The following ICAM5 variants were observed in gnomAD, a reference collection of about 807,000 sequenced individuals.
ICAM5 encodes intercellular adhesion molecule 5.
ICAM5 carries 38 observed loss-of-function variants against 78.8 expected under a neutral mutation model. That is an observed-to-expected ratio of 0.48 (90% confidence interval 0.37 to 0.63). The LOEUF is 0.63. Among genes scored for constraint, ICAM5 ranks in the 30% least tolerant of loss-of-function variants. ICAM5 has a pLI of 0.00. For missense variants in ICAM5, 1,059 were observed against 1,303.0 expected (o/e 0.81, Z 2.88); for synonymous variants, 544 against 590.9 (o/e 0.92, Z 1.15).
Position 10,294,144 on chromosome 19 carries a change from G to A in ICAM5, c.1816G>A (p.Val606Met). ...GGTCGATGGGAAGCCACAGCCAAGC[G>A]TGAAGTGCGTGGGCTCCGGGGGCGC... ...CEVDGKPQPS[V>M]KCVGSGGATE... The change falls in exon 8 of 11, where the codon GTG becomes ATG. Residue 606 changes from valine to methionine, a missense_variant. This residue lies in a region of ICAM5 where 815 missense variants were observed against 952.8 expected (regional missense o/e 0.86). Transcript: ENST00000221980. The surrounding 1 kb of genome is among the most constrained non-coding windows in gnomAD (Gnocchi z 7.7). The A allele has an allele frequency of 1.9e-6, 3 of 1,610,444 alleles. No homozygotes were observed. The highest frequency in any genetic ancestry group is 2.2e-5 in the South Asian group (2 of 90,788).
chr19:10,292,654 C>A lies in ICAM5; in HGVS notation c.1004C>A (p.Ser335Tyr). 6.2e-7 allele frequency: 1 copy of A among 1,600,508 alleles called. No individual in the cohort carries two copies. The highest frequency in any genetic ancestry group is 8.5e-7 in the Non-Finnish European group (1 of 1,173,658). The change falls in exon 5 of 11, where the codon TCC becomes TAC. Residue 335 changes from serine to tyrosine, a missense_variant. Physicochemically the swap from Ser to Tyr is moderately radical, Grantham distance 144. This residue lies in a region of ICAM5 where 815 missense variants were observed against 952.8 expected (regional missense o/e 0.86). Coordinates refer to ENST00000221980, the MANE Select transcript of ICAM5 (RefSeq NM_003259.4). ...CTGACCCTGAGCGAACCCAGCGTCT[C>A]CGAGGGGCAGATGGTGACAGTAACC... ...PLLTLSEPSV[S>Y]EGQMVTVTCA...
chr19:10,290,919 G>A lies in ICAM5; in HGVS notation c.83-153G>A. Reference sequence around the variant, plus strand: ...ACTCTGGGAGTGCGCCTTTAAACCGGAGGCCTGGGCAGGACGCGGGACGCC... The same window carrying A: ...ACTCTGGGAGTGCGCCTTTAAACCGAAGGCCTGGGCAGGACGCGGGACGCC... On this transcript the variant is annotated intron_variant, in intron 1 of 10. Coordinates refer to ENST00000221980, the MANE Select transcript of ICAM5 (RefSeq NM_003259.4). The surrounding 1 kb of genome is among the most constrained non-coding windows in gnomAD (Gnocchi z 5.7). The A allele has an allele frequency of 2.0e-6, 2 of 975,750 alleles. No individual in the cohort carries two copies. Among genetic ancestry groups the A allele is most frequent in the South Asian group, 3.4e-5 (2 of 58,158 alleles). The allele number at this position is 975,750 out of a possible 1,614,324, so 60.4% of individuals were successfully genotyped here.
chr19:10,295,733 A>T, intron 10 of ICAM5, 121 bp downstream of exon 10: 1 of 1,175,736 alleles, frequency 8.5e-7, no homozygotes, highest in Non-Finnish European at 1.2e-6. Context: ...GAAGTGGGAC[A>T]GAGTAGAAGT....
In ICAM5 at chr19:10,292,826, G is replaced by A. The variant is rs1251270481; in HGVS notation, c.1176G>A (p.Glu392=). 1.9e-6 allele frequency: 3 copies of A among 1,613,232 alleles called. No individual in the cohort carries two copies. Among genetic ancestry groups the A allele is most frequent in the South Asian group, 1.1e-5 (1 of 91,078 alleles). The change falls in exon 5 of 11, where the codon GAG becomes GAA. Residue 392 remains glutamate (E), a synonymous_variant. Transcript: ENST00000221980. ...FCDATLDVDG[E]TLIKNRSAEL... is the part of the protein sequence containing the mutation. ...ACGCCACCCTCGATGTGGACGGGGA[G>A]ACCCTGATCAAGAACAGGAGCGCAG... is the stretch of plus-strand genomic sequence containing the variant.
Position 10,294,473 on chromosome 19 carries a change from T to C in ICAM5, c.2063T>C (p.Leu688Pro). 6.2e-7 allele frequency: 1 copy of C among 1,607,066 alleles called. No individual in the cohort carries two copies. The highest frequency in any genetic ancestry group is 8.5e-7 in the Non-Finnish European group (1 of 1,175,944). ...CTGGAAGGGGCTGAGGCTTCCGCGC[T>C]GGCCTGCGCCGCCCGGGGTCGCCCT... is the stretch of plus-strand genomic sequence containing the variant. ...TWLEGAEASA[L>P]ACAARGRPSP... The change falls in exon 9 of 11, where the codon CTG (leucine) becomes CCG (proline). Residue 688 changes from leucine (L) to proline (P), a missense_variant. Physicochemically the swap from Leu to Pro is moderately conservative, Grantham distance 98. This residue lies in a region of ICAM5 where 815 missense variants were observed against 952.8 expected (regional missense o/e 0.86). Coordinates refer to ENST00000221980, the MANE Select transcript of ICAM5 (RefSeq NM_003259.4). This position sits in a 1 kb window ranked among gnomAD's most constrained non-coding sequence, Gnocchi z 7.7.
Position 10,293,096 on chromosome 19 carries a change from C to T in ICAM5, c.1315C>T (p.Pro439Ser), listed in dbSNP as rs773967044. 2 of 1,610,600 alleles carry T rather than the reference C, an allele frequency of 1.2e-6. No individual in the cohort carries two copies. Among genetic ancestry groups the T allele is most frequent in the South Asian group, 2.2e-5 (2 of 90,956 alleles). The change falls in exon 6 of 11, where the codon CCC (proline) becomes TCC (serine). Residue 439 changes from proline to serine, a missense_variant. Around this residue, in one of 3 missense-constraint regions of ICAM5, gnomAD observed 815 missense variants for 952.8 expected, o/e 0.86. Coordinates refer to ENST00000221980, the MANE Select transcript of ICAM5 (RefSeq NM_003259.4). The surrounding 1 kb of genome is among the most constrained non-coding windows in gnomAD (Gnocchi z 5.0). ...LRCEARGNPE[P>S]SVHCARSDGG... ...CTGCGAGGCCCGCGGGAACCCAGAACCCTCAGTGCACTGTGCGCGCTCCGA... is the reference window on the plus strand; with the variant it reads ...CTGCGAGGCCCGCGGGAACCCAGAATCCTCAGTGCACTGTGCGCGCTCCGA...
chr19:10,295,674 G>C, intron 10 of ICAM5, 62 bp downstream of exon 10: 1 of 1,477,992 alleles, frequency 6.8e-7, no homozygotes, highest in Non-Finnish European at 9.0e-7. Context: ...CCTGGGTCTT[G>C]GGGCGGCCGG....
In ICAM5 at chr19:10,290,281, C is replaced by A; in HGVS notation, c.82+156C>A. The A allele has an allele frequency of 1.8e-6, 1 of 561,338 alleles. No homozygotes were observed. Among genetic ancestry groups the A allele is most frequent in the South Asian group, 2.4e-5 (1 of 42,124 alleles). The allele number at this position is 561,338 out of a possible 1,614,324, so 34.8% of individuals were successfully genotyped here. A position where few individuals can be genotyped will look rare whatever the true frequency, so the allele number is the denominator to read the frequency against. On this transcript the variant is annotated intron_variant, in intron 1 of 10. Transcript: ENST00000221980. This position sits in a 1 kb window ranked among gnomAD's most constrained non-coding sequence, Gnocchi z 5.7. Reference sequence around the variant, plus strand: ...GTCTTCTCCCCTTCCCCCTCCTCCCCAACACACACCCGAGCCCCAGCTTCC... The same window carrying A: ...GTCTTCTCCCCTTCCCCCTCCTCCCAAACACACACCCGAGCCCCAGCTTCC...
chr19:10,295,748 G>A, intron 10 of ICAM5, 136 bp downstream of exon 10: 1 of 1,066,570 alleles, frequency 9.4e-7, no homozygotes, highest in South Asian at 1.7e-5. Flanking sequence ...AGAAGTCAAA[G>A]GTGCCTTAGC....
intron 10 of ICAM5, 27 bp downstream of exon 10, chr19:10,295,639 G>C (rs1344658411): frequency 4.6e-6 from 7 of 1,528,936 alleles, no homozygotes; most frequent in Non-Finnish European, 6.1e-6. Flanking sequence ...GAGAGGCGGG[G>C]CGAGGTATCT....
At chr19:10,291,946 GATGATA>G in intron 3 of ICAM5, 83 bp from the exon 4 acceptor site, 1 of 1,507,224 alleles carries the variant, frequency 6.6e-7, no homozygotes. Flanking sequence ...GTGCCTTGAG[GATGATA>G]ATACGATAAG....
At position 10,293,268 on chromosome 19, in the gene ICAM5, G is replaced by T. The variant is rs1166020672; in HGVS notation, c.1465+22G>T. 4 of 1,557,422 alleles carry T rather than the reference G, an allele frequency of 2.6e-6. No individual in the cohort carries two copies. On this transcript the variant is annotated intron_variant, in intron 6 of 10. Coordinates refer to ENST00000221980, the MANE Select transcript of ICAM5 (RefSeq NM_003259.4). This position sits in a 1 kb window ranked among gnomAD's most constrained non-coding sequence, Gnocchi z 5.0. ...GAGTGTGAGTGGGGGTGCGCAGGGT[G>T]CATTTCTATCTGGTTCAAGGTCTGG...
Position 10,292,241 on chromosome 19 carries a change from C to G in ICAM5, c.880C>G (p.Gln294Glu), listed in dbSNP as rs1299505040. ...ATATATASAE[Q>E]EGARQLVCNV... ...TGCCACAGCCACAGCTAGCGCAGAG[C>G]AGGAGGGTGCCAGGCAGCTGGTCTG... The change falls in exon 4 of 11, where the codon CAG (glutamine) becomes GAG (glutamate). Residue 294 changes from glutamine (Q) to glutamate (E), a missense_variant. Transcript: ENST00000221980. 1.4e-5 allele frequency: 22 copies of G among 1,612,892 alleles called. No individual in the cohort carries two copies. Among genetic ancestry groups the G allele is most frequent in the Non-Finnish European group, 1.9e-5 (22 of 1,179,874 alleles).
In ICAM5 at chr19:10,290,827, G is replaced by T. The variant is rs2040164989; in HGVS notation, c.83-245G>T. 1.7e-6 allele frequency: 1 copy of T among 572,740 alleles called. No individual in the cohort carries two copies. The allele number at this position is 572,740 out of a possible 1,614,324, so 35.5% of individuals were successfully genotyped here. A position where few individuals can be genotyped will look rare whatever the true frequency, so the allele number is the denominator to read the frequency against. On this transcript the variant is annotated intron_variant, in intron 1 of 10. Coordinates refer to ENST00000221980, the MANE Select transcript of ICAM5 (RefSeq NM_003259.4). The surrounding 1 kb of genome is among the most constrained non-coding windows in gnomAD (Gnocchi z 5.7). Reference sequence around the variant, plus strand: ...CGCCCTCCCCCCATGCTTTCCCGCCGCTCCATCGGCGCTTTGGAGACCATG... The same window carrying T: ...CGCCCTCCCCCCATGCTTTCCCGCCTCTCCATCGGCGCTTTGGAGACCATG...
At chr19:10,296,250 G>A (rs2145032599) in intron 10 of ICAM5, 89 bp from the exon 11 acceptor site, 2 of 1,186,584 alleles carry the variant, frequency 1.7e-6, no homozygotes, top group Non-Finnish European at 2.1e-6. Context: ...GGGGCATGAG[G>A]ACTGACTTCG....
Position 10,292,988 on chromosome 19 carries a change from C to G in ICAM5, c.1217-10C>G. 2 of 1,611,174 alleles carry G rather than the reference C, an allele frequency of 1.2e-6. No individual in the cohort carries two copies. The highest frequency in any genetic ancestry group is 1.7e-6 in the Non-Finnish European group (2 of 1,179,986). ...GTCTAAGCCTCTGTAACCCCACGCC[C>G]TGCCCGCAGACGCTCCCCGGCTAGA... is the stretch of plus-strand genomic sequence containing the variant. On this transcript the variant is annotated splice_polypyrimidine_tract_variant and intron_variant, in intron 5 of 10. Coordinates refer to ENST00000221980, the MANE Select transcript of ICAM5 (RefSeq NM_003259.4).
chr19:10,294,877 C>T lies in ICAM5; in HGVS notation c.2230+237C>T, dbSNP rs1487564748. Among the ~76,000 whole-genome samples the T allele has an allele frequency of 6.6e-6, 1 of 152,122 alleles. No homozygotes were observed. Among genetic ancestry groups the T allele is most frequent in the Non-Finnish European group, 1.5e-5 (1 of 68,024 alleles). On this transcript the variant is annotated intron_variant, in intron 9 of 10. Transcript: ENST00000221980. The surrounding 1 kb of genome is among the most constrained non-coding windows in gnomAD (Gnocchi z 7.7). ...GGCCAGGAGTTCGAGACCAGCCCGGCCAACATGGCGAAAACCCGTCTCTAC... is the reference window on the plus strand; with the variant it reads ...GGCCAGGAGTTCGAGACCAGCCCGGTCAACATGGCGAAAACCCGTCTCTAC...
Position 10,294,961 on chromosome 19 carries a change from G to A in ICAM5, c.2230+321G>A, listed in dbSNP as rs559193618. Among the ~76,000 whole-genome samples the A allele has an allele frequency of 6.6e-5, 10 of 152,316 alleles. No individual in the cohort carries two copies. Among genetic ancestry groups the A allele is most frequent in the African/African-American group, 2.2e-4 (9 of 41,580 alleles). ...GGTCCCAGCTACTTGGGAGGCTGAG[G>A]CAGGAGAATCGCTTGAGCCTGGGAG... On this transcript the variant is annotated intron_variant, in intron 9 of 10. Coordinates refer to ENST00000221980, the MANE Select transcript of ICAM5 (RefSeq NM_003259.4). This position sits in a 1 kb window ranked among gnomAD's most constrained non-coding sequence, Gnocchi z 7.7.
chr19:10,290,601 G>C lies in ICAM5; in HGVS notation c.83-471G>C. 1 of 201,610 alleles carries C rather than the reference G, an allele frequency of 5.0e-6. No individual in the cohort carries two copies. 12.5% of individuals were successfully genotyped at this position (201,610 alleles called of 1,614,324 possible). A position where few individuals can be genotyped will look rare whatever the true frequency, so the allele number is the denominator to read the frequency against. ...GAGCCCAGCCTTGCGTCCCGGCTCC[G>C]TGTTCTTCACCGGGTGTAGGGTCCT... On this transcript the variant is annotated intron_variant, in intron 1 of 10. Coordinates refer to ENST00000221980, the MANE Select transcript of ICAM5 (RefSeq NM_003259.4). This position sits in a 1 kb window ranked among gnomAD's most constrained non-coding sequence, Gnocchi z 5.7.
Sources: gnomAD v4.1 joint callset for allele counts (sites outside exome capture counted in the v4.1 genomes callset) on GRCh38, gnomAD v4.1.1 for gene constraint, gnomAD v4.1.1 regional missense constraint, Gnocchi (gnomAD v3.1) non-coding constraint, MANE v1.5 for transcripts, NCBI Gene and HGNC (gene_info 2026-07-23, HGNC 2026-07-21) for gene names.